Variants in GREB1L observed in about 807,000 individuals in gnomAD.
GREB1L encodes the protein GREB1-like protein.
In GREB1L, 17 loss-of-function variants were observed where a neutral mutation model predicts 200.8. The observed-to-expected ratio is 0.08, with a 90% CI of 0.06 to 0.13. The LOEUF (loss-of-function observed/expected upper bound fraction) is 0.13, where lower values mean the gene tolerates loss of function less well. GREB1L is among the 10% of genes least tolerant of loss of function. GREB1L has a pLI of 1.00. For synonymous variants in GREB1L, 789 were observed against 893.0 expected, an observed-to-expected ratio of 0.88 and a Z score of 2.08; for missense variants, 1,657 against 2,367.7, an observed-to-expected ratio of 0.70 and a Z score of 6.23.
chr18:21,291,672 C>T (rs1567924432), intron 1 of GREB1L, among the ~76,000 whole-genome samples: 1 of 152,154 alleles, frequency 6.6e-6, no homozygotes, highest in Non-Finnish European at 1.5e-5. Context: ...TCAGTGGCAA[C>T]CTTCCACAAT....
intron 27 of GREB1L, among the ~76,000 whole-genome samples, chr18:21,510,265 A>C (rs966698207): frequency 1.3e-5 from 2 of 152,070 alleles, no homozygotes; most frequent in Non-Finnish European, 2.9e-5. Flanking sequence ...GTTAAAGTTC[A>C]GAAGTGTTAA....
At chr18:21,428,701 G>A (rs578205738) in intron 7 of GREB1L, among the ~76,000 whole-genome samples, 28 of 140,548 alleles carry the variant, frequency 2.0e-4, no homozygotes, top group African/African-American at 7.2e-4. Flanking sequence ...GCATGATCGC[G>A]GTTTATCTCT....
At chr18:21,515,335 A>T (rs886293735) in intron 28 of GREB1L, 82 bp from the exon 29 acceptor site, 3 of 893,084 alleles carry the variant, frequency 3.4e-6, no homozygotes, top group Non-Finnish European at 3.5e-6. Flanking sequence ...TATTACTGGT[A>T]TATAGTAGTG....
intron 17 of GREB1L, among the ~76,000 whole-genome samples, chr18:21,484,195 A>C (rs1185807182): frequency 7.4e-6 from 1 of 135,754 alleles, no homozygotes; most frequent in Non-Finnish European, 1.6e-5. Flanking sequence ...TTTTTTTTTG[A>C]GATGGAGTTT....
chr18:21,508,306 G>A, intron 26 of GREB1L, 27 bp downstream of exon 26: 13 of 1,551,278 alleles, frequency 8.4e-6, no homozygotes, highest in Non-Finnish European at 1.1e-5. Flanking sequence ...GGACTGGCAG[G>A]CACCAGACCT....
intron 27 of GREB1L, among the ~76,000 whole-genome samples, chr18:21,509,172 A>G (rs2037140184): frequency 6.6e-6 from 1 of 152,230 alleles, no homozygotes; most frequent in Admixed American, 6.5e-5. Flanking sequence ...TATGTATGAC[A>G]GAGCTGTGGA....
At chr18:21,413,086 T>G (rs957770078) in intron 7 of GREB1L, among the ~76,000 whole-genome samples, 1 of 152,130 alleles carries the variant, frequency 6.6e-6, no homozygotes, top group African/African-American at 2.4e-5. Flanking sequence ...TCTGTAAATG[T>G]CCAACACTTT....
chr18:21,485,096 G>GGCTAC (rs1390465137), intron 17 of GREB1L, among the ~76,000 whole-genome samples: 5 of 152,082 alleles, frequency 3.3e-5, no homozygotes, highest in African/African-American at 1.2e-4. Context: ...ATCAAGAGGG[G>GGCTAC]GCTACGTTAA....
rs897509288 is a variant in GREB1L at position 21,505,794 on chromosome 18, G to A, written c.4229-16G>A. ...ATGTTATCTCATGGGATGGCTTTTTGCCCCTTTATACACAGAAGTGATAAA... is the reference window on the plus strand; with the variant it reads ...ATGTTATCTCATGGGATGGCTTTTTACCCCTTTATACACAGAAGTGATAAA... On this transcript the variant is annotated splice_polypyrimidine_tract_variant and intron_variant, in intron 24 of 32. Coordinates refer to ENST00000424526, the MANE Select transcript of GREB1L (RefSeq NM_001142966.3). 5 of 1,543,104 alleles carry A rather than the reference G, an allele frequency of 3.2e-6. No homozygotes were observed. The highest frequency in any genetic ancestry group is 2.0e-5 in the Admixed American group (1 of 48,806).
chr18:21,333,623 C>T (rs1209083818), intron 1 of GREB1L, among the ~76,000 whole-genome samples: 7 of 149,754 alleles, frequency 4.7e-5, no homozygotes, highest in South Asian at 2.1e-4. Context: ...TGTGGTGAGC[C>T]GAAATCATGC....
chr18:21,454,817 G>A, intron 15 of GREB1L: 1 of 488,294 alleles, frequency 2.0e-6, no homozygotes, highest in South Asian at 2.1e-5. Context: ...GTAATCTGTG[G>A]GACTAGAATC....
chr18:21,406,318 T>C (rs2030229895), intron 7 of GREB1L, among the ~76,000 whole-genome samples: 1 of 152,190 alleles, frequency 6.6e-6, no homozygotes, highest in African/African-American at 2.4e-5. Flanking sequence ...AGGCACTGAC[T>C]GACTCACCGT....
At position 21,401,325 on chromosome 18, in the gene GREB1L, A is replaced by G; in HGVS notation, c.708A>G (p.Lys236=). Reference sequence around the variant, plus strand: ...CTAAAGGACCTCTTATCTGCTGGAAAGGTAGTCAATTTCCAGGAAGAAAAG... The same window carrying G: ...CTAAAGGACCTCTTATCTGCTGGAAGGGTAGTCAATTTCCAGGAAGAAAAG... ...VLSKGPLICW[K]ECRSRQSSAS... is the part of the protein sequence containing the mutation. The change falls in exon 6 of 33, where the codon AAA becomes AAG. Residue 236 remains lysine (K), a splice_region_variant and synonymous_variant. Coordinates refer to ENST00000424526, the MANE Select transcript of GREB1L (RefSeq NM_001142966.3). 6.5e-7 allele frequency: 1 copy of G among 1,546,850 alleles called. No individual in the cohort carries two copies. The highest frequency in any genetic ancestry group is 8.7e-7 in the Non-Finnish European group (1 of 1,144,368).
intron 17 of GREB1L, among the ~76,000 whole-genome samples, chr18:21,479,609 G>A (rs1290097154): frequency 4.0e-5 from 6 of 151,646 alleles, no homozygotes; most frequent in Non-Finnish European, 8.8e-5. Context: ...AACCCAGTAG[G>A]TCAAGGCTGC....
intron 7 of GREB1L, among the ~76,000 whole-genome samples, chr18:21,429,903 T>C (rs1276620234): frequency 1.3e-5 from 2 of 152,174 alleles, no homozygotes; most frequent in African/African-American, 2.4e-5. Flanking sequence ...TAGCAATTTA[T>C]TTTCACACGG....
chr18:21,440,033 T>G (rs1286359691), intron 8 of GREB1L, among the ~76,000 whole-genome samples: 1 of 152,214 alleles, frequency 6.6e-6, no homozygotes, highest in Non-Finnish European at 1.5e-5. Context: ...TGAAATAACC[T>G]ACATAAACTT....
At chr18:21,343,024 C>G (rs376454205) in intron 1 of GREB1L, among the ~76,000 whole-genome samples, 1 of 151,562 alleles carries the variant, frequency 6.6e-6, no homozygotes, top group East Asian at 1.9e-4. Flanking sequence ...GATTTTTGAC[C>G]AATTTGGTTA....
intron 15 of GREB1L, 192 bp downstream of exon 15, chr18:21,454,755 G>C: frequency 1.7e-6 from 1 of 603,314 alleles, no homozygotes; most frequent in Non-Finnish European, 2.9e-6. Flanking sequence ...TTTCCCTCAA[G>C]GTCAAGGGTA....
chr18:21,271,077 C>T lies in GREB1L; in HGVS notation c.-120+28684C>T, dbSNP rs189428364. 5.9e-5 allele frequency among the ~76,000 whole-genome samples: 9 copies of T among 152,182 alleles called. No individual in the cohort carries two copies. In the East Asian group the frequency reaches 1.7e-3, roughly 29 times the overall value. On this transcript the variant is annotated intron_variant, in intron 1 of 32. Coordinates refer to ENST00000424526, the MANE Select transcript of GREB1L (RefSeq NM_001142966.3). Reference sequence around the variant, plus strand: ...GTACATCATATTGATTTAAAGGAAACACATTAAGAAAGTATGAGAGACACA... The same window carrying T: ...GTACATCATATTGATTTAAAGGAAATACATTAAGAAAGTATGAGAGACACA...
Sources: gnomAD v4.1 joint callset for allele counts (sites outside exome capture counted in the v4.1 genomes callset) on GRCh38, gnomAD v4.1.1 for gene constraint, MANE v1.5 for transcripts, NCBI Gene and HGNC (gene_info 2026-07-23, HGNC 2026-07-21) for gene names.